The following ARB2A variants were observed in gnomAD, a reference collection of about 807,000 sequenced individuals.
ARB2A encodes cotranscriptional regulator ARB2A.
chr5:93,882,462 C>A, the ARB2A span, among the ~76,000 whole-genome samples: 1 of 150,124 alleles, frequency 6.7e-6, no homozygotes, highest in Non-Finnish European at 1.5e-5. Context: ...AAAAATACAG[C>A]TTGTTGAGCT....
At chr5:94,039,285 G>C in the ARB2A span, among the ~76,000 whole-genome samples, 17 of 152,270 alleles carry the variant, frequency 1.1e-4, no homozygotes, top group Admixed American at 2.0e-4. Context: ...AGACCATTAA[G>C]ACACTCTAAG....
the ARB2A span, among the ~76,000 whole-genome samples, chr5:93,967,875 T>C: frequency 6.6e-6 from 1 of 152,132 alleles, no homozygotes; most frequent in Non-Finnish European, 1.5e-5. Context: ...TCTCCCCATC[T>C]ACCCTAAGTT....
chr5:93,856,424 A>C, the ARB2A span, among the ~76,000 whole-genome samples: 1 of 152,194 alleles, frequency 6.6e-6, no homozygotes, highest in African/African-American at 2.4e-5. Context: ...TACACCAATC[A>C]GACGTAGATT....
chr5:93,645,905 AG>A, the ARB2A span, among the ~76,000 whole-genome samples: 1 of 152,210 alleles, frequency 6.6e-6, no homozygotes, highest in South Asian at 2.1e-4. Flanking sequence ...TGAATATATA[AG>A]TAAAGAAAGC....
At chr5:93,918,223 A>G in the ARB2A span, among the ~76,000 whole-genome samples, 237 of 152,238 alleles carry the variant, frequency 1.6e-3, 1 homozygote, top group African/African-American at 5.4e-3. Context: ...TTTGTCAGTG[A>G]TAGTACAAGT....
chr5:93,793,539 T>A, the ARB2A span, among the ~76,000 whole-genome samples: 1 of 152,096 alleles, frequency 6.6e-6, no homozygotes, highest in African/African-American at 2.4e-5. Flanking sequence ...AACACCACAT[T>A]CTCATTCCCT....
At chr5:93,697,061 C>CAA in the ARB2A span, among the ~76,000 whole-genome samples, 68 of 78,152 alleles carry the variant, frequency 8.7e-4, no homozygotes, top group African/African-American at 2.1e-3. Context: ...GACTCCATCT[C>CAA]AAAAAAAAAA....
At chr5:93,725,801 G>A in the ARB2A span, among the ~76,000 whole-genome samples, 1 of 152,020 alleles carries the variant, frequency 6.6e-6, no homozygotes, top group Non-Finnish European at 1.5e-5. Flanking sequence ...GATAAAATAG[G>A]ATTAATATGA....
At chr5:93,969,856 T>C in the ARB2A span, among the ~76,000 whole-genome samples, 1 of 152,088 alleles carries the variant, frequency 6.6e-6, no homozygotes, top group Non-Finnish European at 1.5e-5. Context: ...AGCACTGAAA[T>C]TATTCTAGCT....
chr5:94,106,016 A>G, the ARB2A span, among the ~76,000 whole-genome samples: 26 of 152,112 alleles, frequency 1.7e-4, no homozygotes, highest in African/African-American at 6.3e-4. Flanking sequence ...GTAAAGCCTT[A>G]AACTATAAAA....
At chr5:93,850,124 C>A in the ARB2A span, among the ~76,000 whole-genome samples, 2 of 152,052 alleles carry the variant, frequency 1.3e-5, no homozygotes, top group Admixed American at 6.6e-5. Flanking sequence ...CTTAAATTAA[C>A]CCTACAGTAA....
At chr5:93,798,569 T>A in the ARB2A span, among the ~76,000 whole-genome samples, 1 of 152,116 alleles carries the variant, frequency 6.6e-6, no homozygotes, top group South Asian at 2.1e-4. Context: ...ATATTATTTG[T>A]AATAATGGCA....
chr5:93,703,452 G>A, the ARB2A span, among the ~76,000 whole-genome samples: 1 of 152,218 alleles, frequency 6.6e-6, no homozygotes, highest in Non-Finnish European at 1.5e-5. Context: ...GCACAAAGCA[G>A]GGATGCAAAC....
chr5:93,677,471 G>C, the ARB2A span, among the ~76,000 whole-genome samples: 1 of 152,208 alleles, frequency 6.6e-6, no homozygotes, highest in Admixed American at 6.5e-5. Context: ...GCTCAGGCAA[G>C]TGAGCAGGCG....
chr5:93,964,525 T>G, the ARB2A span: 1 of 1,563,572 alleles, frequency 6.4e-7, no homozygotes, highest in South Asian at 1.2e-5. Context: ...CGTGATGATC[T>G]AAGTAGGAAA....
chr5:93,622,429 C>A, the ARB2A span, among the ~76,000 whole-genome samples: 2 of 152,224 alleles, frequency 1.3e-5, no homozygotes, highest in Admixed American at 1.3e-4. Context: ...TTCGCTGAGA[C>A]CTGGTAACCA....
At chr5:93,753,908 C>G in the ARB2A span, among the ~76,000 whole-genome samples, 13 of 152,114 alleles carry the variant, frequency 8.5e-5, no homozygotes, top group Non-Finnish European at 1.8e-4. Context: ...TAAGGTAGAG[C>G]CTTCCATCCT....
the ARB2A span, among the ~76,000 whole-genome samples, chr5:93,652,526 C>G: frequency 6.6e-6 from 1 of 152,112 alleles, no homozygotes; most frequent in Non-Finnish European, 1.5e-5. Flanking sequence ...CTACATTTAG[C>G]AAAATTACCA....
At chr5:93,754,356 G>A in the ARB2A span, among the ~76,000 whole-genome samples, 1 of 152,130 alleles carries the variant, frequency 6.6e-6, no homozygotes, top group Non-Finnish European at 1.5e-5. Context: ...TTCATCTATT[G>A]CAGTTCACTG....
Sources: gnomAD v4.1 joint callset for allele counts (sites outside exome capture counted in the v4.1 genomes callset) on GRCh38, gnomAD v4.1.1 for gene constraint, MANE v1.5 for transcripts, NCBI Gene and HGNC (gene_info 2026-07-23, HGNC 2026-07-21) for gene names.